Variants in GADD45B observed in about 807,000 individuals in gnomAD.
GADD45B encodes growth arrest and DNA damage inducible beta.
Under a neutral mutation model 15.2 loss-of-function variants are expected in GADD45B, and 8 were observed. The ratio of observed to expected loss-of-function variants is 0.53; its 90% confidence interval spans 0.31 to 0.95. The LOEUF is 0.95. Ranked by LOEUF, GADD45B falls within the 40% of genes least tolerant of loss-of-function variation. The pLI is 0.05. For missense variants in GADD45B, 162 were observed against 216.6 expected (o/e 0.75, Z 1.58); for synonymous variants, 100 against 89.8 (o/e 1.11, Z -0.64).
chr19:2,476,671 G>C, intron 2 of GADD45B, 41 bp downstream of exon 2: 2 of 1,219,878 alleles, frequency 1.6e-6, no homozygotes, highest in Non-Finnish European at 2.3e-6. Flanking sequence ...CGGGTGGGAC[G>C]GGACCTCCCC....
rs1028990958 is a variant in GADD45B at position 2,476,185 on chromosome 19, A to G, written c.-174A>G. The G allele has an allele frequency of 7.3e-6, 5 of 686,244 alleles. No individual in the cohort carries two copies. Among genetic ancestry groups the G allele is most frequent in the South Asian group, 5.1e-5 (3 of 59,068 alleles). 42.5% of individuals were successfully genotyped at this position (686,244 alleles called of 1,614,324 possible). On this transcript the variant is annotated 5_prime_UTR_variant, in exon 1 of 4. Coordinates refer to ENST00000215631, the MANE Select transcript of GADD45B (RefSeq NM_015675.4). ...CGCAACTTCCTGGATTATCCTCGCC[A>G]AGGACTTTGCAATATATTTTTCCGC...
rs1332587674 is a variant in GADD45B, at chr19:2,476,407, G to C, written c.44+5G>C. Reference sequence around the variant, plus strand: ...GTGCGACAACGCGGCGCAGAAGTAAGTAGCCGGGGCTGCCGCCGCCTGAGG... The same window carrying C: ...GTGCGACAACGCGGCGCAGAAGTAACTAGCCGGGGCTGCCGCCGCCTGAGG... On this transcript the variant is annotated splice_donor_5th_base_variant and intron_variant, in intron 1 of 3. Coordinates refer to ENST00000215631, the MANE Select transcript of GADD45B (RefSeq NM_015675.4). The C allele has an allele frequency of 6.2e-7, 1 of 1,613,318 alleles. No homozygotes were observed.
chr19:2,477,496 C>G lies in GADD45B; in HGVS notation c.378C>G (p.His126Gln). 1.2e-6 allele frequency: 2 copies of G among 1,611,564 alleles called. No individual in the cohort carries two copies. The highest frequency in any genetic ancestry group is 1.7e-6 in the Non-Finnish European group (2 of 1,177,716). Reference protein sequence around the residue: ...DLHCLLVTNPHTDAWKSHGLV... With the variant: ...DLHCLLVTNPQTDAWKSHGLV... ...TCTTTTCCCTCCTACAGAACCCTCA[C>G]ACGGACGCCTGGAAGAGCCACGGCT... The change falls in exon 4 of 4, where the codon CAC becomes CAG. Residue 126 changes from histidine (H) to glutamine (Q), a missense_variant. Physicochemically the swap from His to Gln is conservative, Grantham distance 24 (BLOSUM62 0). Coordinates refer to ENST00000215631, the MANE Select transcript of GADD45B (RefSeq NM_015675.4). The surrounding 1 kb of genome is among the most constrained non-coding windows in gnomAD (Gnocchi z 4.2).
Position 2,477,122 on chromosome 19 carries a change from C to G in GADD45B, c.240C>G (p.Ser80=). The change falls in exon 3 of 4, where the codon TCC becomes TCG. Residue 80 remains serine (S), a synonymous_variant. Transcript: ENST00000215631. This position sits in a 1 kb window ranked among gnomAD's most constrained non-coding sequence, Gnocchi z 4.2. ...ALQIHFTLIQ[S]FCCDNDINIV... The stretch of plus-strand genomic sequence containing the variant: ...AAATCCACTTCACGCTCATCCAGTC[C>G]TTCTGCTGTGACAACGACATCAACA... 2 of 1,613,914 alleles carry G rather than the reference C, an allele frequency of 1.2e-6. No homozygotes were observed. The highest frequency in any genetic ancestry group is 1.7e-6 in the Non-Finnish European group (2 of 1,179,880).
At position 2,477,648 on chromosome 19, in the gene GADD45B, AAAT is replaced by A. The variant is rs779590379; in HGVS notation, c.*49_*51del. The A allele has an allele frequency of 3.1e-6, 3 of 978,820 alleles. No individual in the cohort carries two copies. The highest frequency in any genetic ancestry group is 2.5e-5 in the East Asian group (1 of 39,818). 60.6% of individuals were successfully genotyped at this position (978,820 alleles called of 1,614,324 possible). ...CTGTTGAGTTGCTGCCACAAACAAA[AAAT>A]ACAATAAATATTTGAACCCCCTCCC... On this transcript the variant is annotated 3_prime_UTR_variant, in exon 4 of 4. Coordinates refer to ENST00000215631, the MANE Select transcript of GADD45B (RefSeq NM_015675.4). The surrounding 1 kb of genome is among the most constrained non-coding windows in gnomAD (Gnocchi z 4.2).
At position 2,477,009 on chromosome 19, in the gene GADD45B, C is replaced by G; in HGVS notation, c.147-20C>G. 6.4e-7 allele frequency: 1 copy of G among 1,566,460 alleles called. No homozygotes were observed. The highest frequency in any genetic ancestry group is 8.8e-7 in the Non-Finnish European group (1 of 1,137,632). ...TCCCCTGTCCCCGGCTGACCCATCC[C>G]TACCCTTTGGCCCCCTCAGGGACCC... On this transcript the variant is annotated intron_variant, in intron 2 of 3. Transcript: ENST00000215631. This position sits in a 1 kb window ranked among gnomAD's most constrained non-coding sequence, Gnocchi z 4.2.
In GADD45B at chr19:2,477,042, G is replaced by A. The variant is rs1972327134; in HGVS notation, c.160G>A (p.Val54Met). ...TGGCCCCCTCAGGGACCCAGACAGC[G>A]TGGTCCTCTGCCTCTTGGCCATTGA... is the stretch of plus-strand genomic sequence containing the variant. ...AKLMNVDPDSVVLCLLAIDEE... is the reference protein window; with the variant it reads ...AKLMNVDPDSMVLCLLAIDEE... Residue 54 changes from valine to methionine, a missense_variant, in exon 3 of 4, where the codon GTG (valine) becomes ATG (methionine). By Grantham distance (21) the Val-to-Met change is conservative. Coordinates refer to ENST00000215631, the MANE Select transcript of GADD45B (RefSeq NM_015675.4). This position sits in a 1 kb window ranked among gnomAD's most constrained non-coding sequence, Gnocchi z 4.2. 6.2e-7 allele frequency: 1 copy of A among 1,612,774 alleles called. No individual in the cohort carries two copies. Among genetic ancestry groups the A allele is most frequent in the Non-Finnish European group, 8.5e-7 (1 of 1,179,084 alleles).
chr19:2,476,245 C>G lies in GADD45B; in HGVS notation c.-114C>G. On this transcript the variant is annotated 5_prime_UTR_variant, in exon 1 of 4. Coordinates refer to ENST00000215631, the MANE Select transcript of GADD45B (RefSeq NM_015675.4). ...AAGGATTTCGCTGCTTCCCGAAGGT[C>G]TTGGACGAGCGCTCTAGCTCTGTGG... is the stretch of plus-strand genomic sequence containing the variant. The G allele has an allele frequency of 1.0e-6, 1 of 974,792 alleles. No individual in the cohort carries two copies. The highest frequency in any genetic ancestry group is 1.3e-5 in the South Asian group (1 of 77,772). The allele number at this position is 974,792 out of a possible 1,614,324, so 60.4% of individuals were successfully genotyped here. A position where few individuals can be genotyped will look rare whatever the true frequency, so the allele number is the denominator to read the frequency against.
chr19:2,476,697 T>C, intron 2 of GADD45B, 67 bp downstream of exon 2: 1 of 929,842 alleles, frequency 1.1e-6, no homozygotes, highest in East Asian at 2.5e-5. Flanking sequence ...TCTGGACGCT[T>C]TCCGCACGCT....
rs749197320 is a variant in GADD45B, at chr19:2,477,066, G to A, written c.184G>A (p.Asp62Asn). Reference sequence around the variant, plus strand: ...CGTGGTCCTCTGCCTCTTGGCCATTGACGAGGAGGAGGAGGATGACATCGC... The same window carrying A: ...CGTGGTCCTCTGCCTCTTGGCCATTAACGAGGAGGAGGAGGATGACATCGC... ...DSVVLCLLAI[D>N]EEEEDDIALQ... Residue 62 changes from aspartate to asparagine, a missense_variant, in exon 3 of 4, where the codon GAC becomes AAC. Physicochemically the swap from Asp to Asn is conservative, Grantham distance 23. Coordinates refer to ENST00000215631, the MANE Select transcript of GADD45B (RefSeq NM_015675.4). This position sits in a 1 kb window ranked among gnomAD's most constrained non-coding sequence, Gnocchi z 4.2. 6.2e-7 allele frequency: 1 copy of A among 1,613,802 alleles called. No homozygotes were observed. The highest frequency in any genetic ancestry group is 2.2e-5 in the East Asian group (1 of 44,880).
chr19:2,476,425 G>A (rs759274501), intron 1 of GADD45B, 23 bp downstream of exon 1: 4 of 1,611,812 alleles, frequency 2.5e-6, no homozygotes, highest in Non-Finnish European at 3.4e-6. Context: ...GGCTGCCGCC[G>A]CCTGAGGTCA....
chr19:2,477,384 G>A lies in GADD45B; in HGVS notation c.370-104G>A, dbSNP rs1489280323. The A allele has an allele frequency of 7.0e-6, 7 of 1,006,780 alleles. No homozygotes were observed. In the African/African-American group the frequency reaches 8.0e-5, roughly 12 times the overall value. 62.4% of individuals were successfully genotyped at this position (1,006,780 alleles called of 1,614,324 possible). ...GGCATGTCCCGTGGGCAGCCGGGCT[G>A]GGGCCTCCTCACCCAGGAAGCTATT... On this transcript the variant is annotated intron_variant, in intron 3 of 3. Transcript: ENST00000215631. The surrounding 1 kb of genome is among the most constrained non-coding windows in gnomAD (Gnocchi z 4.2).
intron 2 of GADD45B, 64 bp from the exon 3 acceptor site, chr19:2,476,964 TC>T (rs1281332527): frequency 5.7e-6 from 6 of 1,054,622 alleles, no homozygotes; most frequent in Admixed American, 3.9e-5. Context: ...TTTTGCAAAC[TC>T]CCCCTGCACG....
chr19:2,476,308 C>T lies in GADD45B; in HGVS notation c.-51C>T. On this transcript the variant is annotated 5_prime_UTR_variant, in exon 1 of 4. Transcript: ENST00000215631. ...CTCTCTGGCTCGGATTTTGCAATTT[C>T]TCCCTGGGGACTGCCGTGGAGCCGC... 6.3e-7 allele frequency: 1 copy of T among 1,596,030 alleles called. No individual in the cohort carries two copies. The highest frequency in any genetic ancestry group is 8.6e-7 in the Non-Finnish European group (1 of 1,164,090).
At chr19:2,476,855 A>G in intron 2 of GADD45B, 174 bp from the exon 3 acceptor site, 1 of 609,994 alleles carries the variant, frequency 1.6e-6, no homozygotes, top group South Asian at 2.0e-5. Flanking sequence ...CCTACCCCAT[A>G]CTTTGAACCG....
At position 2,477,988 on chromosome 19, in the gene GADD45B, T is replaced by G; in HGVS notation, c.*387T>G. On this transcript the variant is annotated 3_prime_UTR_variant, in exon 4 of 4. Coordinates refer to ENST00000215631, the MANE Select transcript of GADD45B (RefSeq NM_015675.4). This position sits in a 1 kb window ranked among gnomAD's most constrained non-coding sequence, Gnocchi z 4.2. ...GTGAGACTGACTGCAAGCCCCACCC[T>G]CCTTGAGACTGGAGCTGGCGTCTGC... 6.0e-6 allele frequency: 1 copy of G among 166,168 alleles called. No homozygotes were observed. 10.3% of individuals were successfully genotyped at this position (166,168 alleles called of 1,614,324 possible).
In GADD45B at chr19:2,477,542, T is replaced by A; in HGVS notation, c.424T>A (p.Cys142Ser). The A allele has an allele frequency of 1.2e-6, 2 of 1,613,948 alleles. No individual in the cohort carries two copies. The change falls in exon 4 of 4, where the codon TGC becomes AGC. Residue 142 changes from cysteine (C) to serine (S), a missense_variant. Coordinates refer to ENST00000215631, the MANE Select transcript of GADD45B (RefSeq NM_015675.4). This position sits in a 1 kb window ranked among gnomAD's most constrained non-coding sequence, Gnocchi z 4.2. ...SHGLVEVASY[C>S]EESRGNNQWV... ...CGGCTTGGTGGAGGTGGCCAGCTAC[T>A]GCGAAGAAAGCCGGGGCAACAACCA... is the stretch of plus-strand genomic sequence containing the variant.
chr19:2,477,109 C>T lies in GADD45B; in HGVS notation c.227C>T (p.Thr76Met). 1 of 1,613,884 alleles carries T rather than the reference C, an allele frequency of 6.2e-7. No homozygotes were observed. Among genetic ancestry groups the T allele is most frequent in the South Asian group, 1.1e-5 (1 of 91,078 alleles). The change falls in exon 3 of 4, where the codon ACG (threonine) becomes ATG (methionine). Residue 76 changes from threonine to methionine, a missense_variant. Thr to Met is a moderately conservative substitution (Grantham distance 81). Transcript: ENST00000215631. This position sits in a 1 kb window ranked among gnomAD's most constrained non-coding sequence, Gnocchi z 4.2. ...EDDIALQIHF[T>M]LIQSFCCDND... ...GACATCGCCCTGCAAATCCACTTCA[C>T]GCTCATCCAGTCCTTCTGCTGTGAC...
chr19:2,476,689 T>G, intron 2 of GADD45B, 59 bp downstream of exon 2: 1 of 1,025,076 alleles, frequency 9.8e-7, no homozygotes, highest in Non-Finnish European at 1.4e-6. Flanking sequence ...CCCTCCGCTC[T>G]GGACGCTTTC....
Sources: gnomAD v4.1 joint callset for allele counts on GRCh38, gnomAD v4.1.1 for gene constraint, Gnocchi (gnomAD v3.1) non-coding constraint, MANE v1.5 for transcripts, NCBI Gene and HGNC (gene_info 2026-07-23, HGNC 2026-07-21) for gene names.